Variants in DGKB observed in about 807,000 individuals in gnomAD.
DGKB encodes the protein 90 kDa diacylglycerol kinase.
DGKB carries 67 observed loss-of-function variants against 114.3 expected under a neutral mutation model. The ratio of observed to expected loss-of-function variants is 0.59; its 90% CI spans 0.48 to 0.72. The LOEUF (loss-of-function observed/expected upper bound fraction) is 0.72. Among genes scored for constraint, DGKB ranks in the 30% least tolerant of loss-of-function variants. DGKB has a pLI of 0.00. For missense variants in DGKB, 907 were observed against 975.2 expected, an observed-to-expected ratio of 0.93 and a Z score of 0.93; for synonymous variants, 398 against 323.1, an observed-to-expected ratio of 1.23 and a Z score of -2.49.
intron 1 of DGKB, among the ~76,000 whole-genome samples, chr7:14,889,210 T>C (rs541995350): frequency 5.9e-5 from 9 of 151,796 alleles, no homozygotes; most frequent in African/African-American, 1.7e-4. Flanking sequence ...TGCAAGTGAA[T>C]AGATGCTCCC....
intron 20 of DGKB, among the ~76,000 whole-genome samples, chr7:14,516,315 T>C (rs1180350441): frequency 6.6e-6 from 1 of 152,160 alleles, no homozygotes; most frequent in Admixed American, 6.6e-5. Context: ...AAAATATGTC[T>C]ATAAAAATCA....
chr7:14,911,482 T>A (rs1224229993), intron 1 of DGKB, among the ~76,000 whole-genome samples: 1 of 152,132 alleles, frequency 6.6e-6, no homozygotes, highest in African/African-American at 2.4e-5. Context: ...CTCTCAGAGT[T>A]TTTTTCCTCC....
chr7:14,958,521 C>A (rs975373220), intron 1 of DGKB, among the ~76,000 whole-genome samples: 1 of 148,490 alleles, frequency 6.7e-6, no homozygotes, highest in Non-Finnish European at 1.5e-5. Flanking sequence ...AAAGAAGAAG[C>A]CTAAGCTTCG....
intron 23 of DGKB, among the ~76,000 whole-genome samples, chr7:14,227,557 A>T (rs1010424230): frequency 2.0e-5 from 3 of 152,064 alleles, no homozygotes; most frequent in Non-Finnish European, 4.4e-5. Context: ...ACTAAAACTT[A>T]TATGGCTTTA....
intron 21 of DGKB, among the ~76,000 whole-genome samples, chr7:14,407,765 G>A (rs1019340647): frequency 6.6e-6 from 1 of 152,084 alleles, no homozygotes; most frequent in African/African-American, 2.4e-5. Flanking sequence ...CAATAAGAAT[G>A]AAGACAAATG....
chr7:14,876,152 T>C (rs1853250374), intron 1 of DGKB, among the ~76,000 whole-genome samples: 1 of 152,152 alleles, frequency 6.6e-6, no homozygotes, highest in African/African-American at 2.4e-5. Context: ...CAGTGTGCCA[T>C]GTCTGTTTAC....
intron 23 of DGKB, among the ~76,000 whole-genome samples, chr7:14,307,514 A>G (rs1804687830): frequency 6.6e-6 from 1 of 152,186 alleles, no homozygotes; most frequent in Admixed American, 6.5e-5. Context: ...CTGTATATGC[A>G]TATAGGCAAA....
At chr7:14,777,005 C>T (rs1382849740) in intron 2 of DGKB, among the ~76,000 whole-genome samples, 1 of 152,178 alleles carries the variant, frequency 6.6e-6, no homozygotes, top group Non-Finnish European at 1.5e-5. Flanking sequence ...CCTCTTGCAT[C>T]AGTATGACCT....
chr7:14,709,764 A>C (rs1468374748), intron 6 of DGKB, among the ~76,000 whole-genome samples: 1 of 139,638 alleles, frequency 7.2e-6, no homozygotes, highest in Non-Finnish European at 1.5e-5. Flanking sequence ...GGAATTGAAC[A>C]ATGAGATCAC....
At chr7:14,707,110 C>T (rs1370567196) in intron 6 of DGKB, among the ~76,000 whole-genome samples, 16 of 132,726 alleles carry the variant, frequency 1.2e-4, no homozygotes, top group East Asian at 5.4e-4. Flanking sequence ...ATCAAATAGA[C>T]GCAATAAAAA....
At chr7:14,162,870 T>G (rs1404367288) in intron 25 of DGKB, among the ~76,000 whole-genome samples, 1 of 152,204 alleles carries the variant, frequency 6.6e-6, no homozygotes, top group Non-Finnish European at 1.5e-5. Flanking sequence ...GCTCTAATAA[T>G]GTACTTCAGT....
intron 23 of DGKB, among the ~76,000 whole-genome samples, chr7:14,243,886 T>A (rs1794023258): frequency 6.6e-6 from 1 of 152,210 alleles, no homozygotes; most frequent in Admixed American, 6.5e-5. Context: ...AACTGATTTA[T>A]TGTACCATCT....
intron 23 of DGKB, among the ~76,000 whole-genome samples, chr7:14,179,795 C>A (rs1344895461): frequency 6.6e-6 from 1 of 152,138 alleles, no homozygotes. Flanking sequence ...AGCTGTAGCA[C>A]CGGATTACTC....
chr7:14,206,439 TG>T (rs1195090446), intron 23 of DGKB, among the ~76,000 whole-genome samples: 1 of 152,026 alleles, frequency 6.6e-6, no homozygotes, highest in Admixed American at 6.6e-5. Flanking sequence ...TGAAATCTAG[TG>T]CTTAAATCTA....
intron 2 of DGKB, among the ~76,000 whole-genome samples, chr7:14,803,382 C>A (rs1842420023): frequency 6.6e-6 from 1 of 152,102 alleles, no homozygotes; most frequent in Non-Finnish European, 1.5e-5. Context: ...GCATCTAATA[C>A]TAATATTATT....
chr7:14,359,651 G>T lies in DGKB; in HGVS notation c.1836-14260C>A, dbSNP rs187260059. Reference sequence around the variant, plus strand: ...AAGCAAACAACCCCATCAAAAAGTGGGCAAAGGATATGAACAGACACTTCT... The same window carrying T: ...AAGCAAACAACCCCATCAAAAAGTGTGCAAAGGATATGAACAGACACTTCT... On this transcript the variant is annotated intron_variant, in intron 21 of 25. Coordinates refer to ENST00000402815, the MANE Select transcript of DGKB (RefSeq NM_001350709.2). 5.0e-4 allele frequency among the ~76,000 whole-genome samples: 76 copies of T among 152,158 alleles called. 1 individual carries two copies. The highest frequency in any genetic ancestry group is 1.7e-3 in the African/African-American group (70 of 41,480).
At chr7:14,297,846 C>A (rs751824866) in intron 23 of DGKB, among the ~76,000 whole-genome samples, 7 of 152,162 alleles carry the variant, frequency 4.6e-5, no homozygotes, top group Admixed American at 1.3e-4. Flanking sequence ...TGAAAAACAA[C>A]TTCAGCAAAG....
At chr7:14,570,827 G>GA (rs999586709) in intron 20 of DGKB, among the ~76,000 whole-genome samples, 31 of 150,872 alleles carry the variant, frequency 2.1e-4, no homozygotes, top group African/African-American at 3.9e-4. Context: ...AACTTTTATT[G>GA]AAAAAAAAAT....
intron 20 of DGKB, among the ~76,000 whole-genome samples, chr7:14,559,463 A>G (rs557163662): frequency 1.3e-5 from 2 of 152,290 alleles, no homozygotes; most frequent in Middle Eastern, 3.4e-3. Flanking sequence ...CCTAAAATAC[A>G]GGCAGTCTCT....
Sources: allele counts gnomAD v4.1 joint callset (sites outside exome capture counted in the v4.1 genomes callset), GRCh38; gene constraint gnomAD v4.1.1; transcripts MANE v1.5; gene names NCBI Gene and HGNC (gene_info 2026-07-23, HGNC 2026-07-21).